The following ZNF644 variants were observed in gnomAD, a reference collection of about 807,000 sequenced individuals.
ZNF644 encodes zinc finger motif enhancer binding protein 2.
Under a neutral mutation model 108.0 loss-of-function variants are expected in ZNF644, and 20 were observed. The ratio of observed to expected loss-of-function variants is 0.19; its 90% CI spans 0.13 to 0.27. ZNF644 has a LOEUF of 0.27. Among genes scored for constraint, ZNF644 ranks in the 10% least tolerant of loss-of-function variants. The probability of loss-of-function intolerance (pLI) is 1.00; values close to 1 mark genes in which losing one functional copy is unlikely to be tolerated. For synonymous variants in ZNF644, 542 were observed against 539.1 expected (o/e 1.01, Z -0.08); for missense variants, 1,338 against 1,548.9 (o/e 0.86, Z 2.29).
In ZNF644 at chr1:90,937,959, G is replaced by A. The variant is rs945606284; in HGVS notation, c.3214C>T (p.His1072Tyr). The A allele has an allele frequency of 6.2e-7, 1 of 1,612,896 alleles. No homozygotes were observed. The highest frequency in any genetic ancestry group is 8.5e-7 in the Non-Finnish European group (1 of 1,179,832). Residue 1072 changes from histidine to tyrosine, a missense_variant, in exon 4 of 6, where the codon CAC becomes TAC. Physicochemically the swap from His to Tyr is moderately conservative, Grantham distance 83 (BLOSUM62 2). Transcript: ENST00000337393. ...TTCAGAACACAGATTGGAGATTTGT[G>A]AGCATCCCATTTCGTCTTTCCAAGT... ...KRLGKTKWDA[H>Y]KSPICVLNEM...
chr1:90,968,809 GATAA>G (rs1169577273), intron 2 of ZNF644, among the ~76,000 whole-genome samples: 3 of 151,914 alleles, frequency 2.0e-5, no homozygotes. Context: ...TAGATATATT[GATAA>G]ATAGATACAT....
rs140018032 is a variant in ZNF644, at chr1:90,929,100, C to T, written c.3688+8385G>A. 8.5e-5 allele frequency among the ~76,000 whole-genome samples: 13 copies of T among 152,256 alleles called. No individual in the cohort carries two copies. In the East Asian group the frequency reaches 2.3e-3, roughly 27 times the overall value. On this transcript the variant is annotated intron_variant, in intron 4 of 5. Transcript: ENST00000337393. ...TAAAAAGTCACAAGAAGCATACCAG[C>T]ATGAACTACTTTTATTTATTTATTT...
intron 2 of ZNF644, among the ~76,000 whole-genome samples, chr1:90,967,471 T>C (rs1655025225): frequency 6.6e-6 from 1 of 152,102 alleles, no homozygotes; most frequent in Non-Finnish European, 1.5e-5. Context: ...ACATAAAACA[T>C]AAAAACCTTC....
intron 2 of ZNF644, among the ~76,000 whole-genome samples, chr1:90,969,332 T>C (rs767770862): frequency 2.2e-4 from 34 of 152,138 alleles, no homozygotes; most frequent in Non-Finnish European, 4.3e-4. Context: ...TGCAAACATC[T>C]TGATCCTGGA....
intron 2 of ZNF644, among the ~76,000 whole-genome samples, chr1:90,979,841 T>A (rs1222934200): frequency 6.6e-6 from 1 of 152,214 alleles, no homozygotes; most frequent in Non-Finnish European, 1.5e-5. Context: ...CACTTGGAAA[T>A]ACTAATCAAA....
intron 2 of ZNF644, among the ~76,000 whole-genome samples, chr1:90,950,788 G>A (rs1361183891): frequency 6.6e-6 from 1 of 152,136 alleles, no homozygotes; most frequent in East Asian, 1.9e-4. Flanking sequence ...GCCCCTGAAA[G>A]TACAGACAGA....
chr1:91,011,146 A>G (rs1659926235), intron 1 of ZNF644, among the ~76,000 whole-genome samples: 1 of 152,204 alleles, frequency 6.6e-6, no homozygotes, highest in Non-Finnish European at 1.5e-5. Context: ...AATTTGCTTT[A>G]GCCTTCTATA....
intron 1 of ZNF644, among the ~76,000 whole-genome samples, chr1:91,002,465 T>C (rs181474243): frequency 0.01 from 1,559 of 152,298 alleles, 11 homozygotes; most frequent in South Asian, 0.017. Flanking sequence ...CTGGGAAAAC[T>C]GGCTAGCCAT....
At chr1:91,010,322 T>C (rs1378193137) in intron 1 of ZNF644, among the ~76,000 whole-genome samples, 2 of 151,132 alleles carry the variant, frequency 1.3e-5, no homozygotes, top group Non-Finnish European at 2.9e-5. Flanking sequence ...CACCACAACT[T>C]CTACCTCCCA....
intron 1 of ZNF644, among the ~76,000 whole-genome samples, chr1:90,997,674 G>A (rs1241549510): frequency 7.9e-5 from 12 of 152,256 alleles, no homozygotes; most frequent in South Asian, 2.1e-4. Context: ...TTGAGGTACC[G>A]GGTTCATCTC....
At chr1:90,998,190 A>G (rs1160187481) in intron 1 of ZNF644, among the ~76,000 whole-genome samples, 1 of 152,208 alleles carries the variant, frequency 6.6e-6, no homozygotes, top group Non-Finnish European at 1.5e-5. Context: ...ACAGCTTTGA[A>G]GCGAGTAGTG....
At chr1:90,997,818 G>A (rs1361599882) in intron 1 of ZNF644, among the ~76,000 whole-genome samples, 2 of 152,186 alleles carry the variant, frequency 1.3e-5, no homozygotes, top group South Asian at 2.1e-4. Context: ...TGTGACAGAC[G>A]GCATCTGGAA....
intron 1 of ZNF644, among the ~76,000 whole-genome samples, chr1:91,000,109 G>A (rs1658610838): frequency 6.6e-6 from 1 of 152,200 alleles, no homozygotes; most frequent in African/African-American, 2.4e-5. Context: ...GCACCCCACT[G>A]TCAACATTAG....
At chr1:90,973,455 A>C (rs939328395) in intron 2 of ZNF644, among the ~76,000 whole-genome samples, 13 of 152,074 alleles carry the variant, frequency 8.5e-5, no homozygotes, top group Non-Finnish European at 1.8e-4. Context: ...CCATTGTTAA[A>C]CTCGTATTTT....
intron 2 of ZNF644, chr1:90,973,311 G>C (rs1321041366): frequency 6.6e-6 from 1 of 151,906 alleles, no homozygotes; most frequent in African/African-American, 2.4e-5. Context: ...TTCCTGTGTA[G>C]TATTTCTTAT....
At chr1:90,921,996 G>A (rs1649496868) in intron 4 of ZNF644, among the ~76,000 whole-genome samples, 1 of 152,088 alleles carries the variant, frequency 6.6e-6, no homozygotes, top group African/African-American at 2.4e-5. Context: ...TTTATACAAA[G>A]AAGATTAAGA....
chr1:91,013,752 C>CT (rs1410695065), intron 1 of ZNF644, among the ~76,000 whole-genome samples: 1 of 152,066 alleles, frequency 6.6e-6, no homozygotes, highest in East Asian at 1.9e-4. Flanking sequence ...AATACCTGAA[C>CT]TCTGGCTAGT....
chr1:90,939,284 G>A lies in ZNF644; in HGVS notation c.2070C>T (p.Ser690=). ...ACATGTTTACACCTGATTGGGCAAT[G>A]CTTTTCCGAGCTTTCTGTATTCTGT... The part of the protein sequence containing the change: ...RPHRIQKARK[S]IAQSGVNMCN... The change falls in exon 3 of 6, where the codon AGC becomes AGT. Residue 690 remains serine (S), a synonymous_variant. Transcript: ENST00000337393. 1 of 1,614,002 alleles carries A rather than the reference G, an allele frequency of 6.2e-7. No homozygotes were observed.
At chr1:90,994,511 T>C (rs1033899843) in intron 1 of ZNF644, among the ~76,000 whole-genome samples, 3 of 152,016 alleles carry the variant, frequency 2.0e-5, no homozygotes, top group African/African-American at 7.2e-5. Context: ...GCCCAAATAA[T>C]TGGATGACTG....
Sources: gnomAD v4.1 joint callset for allele counts (sites outside exome capture counted in the v4.1 genomes callset) on GRCh38, gnomAD v4.1.1 for gene constraint, MANE v1.5 for transcripts, NCBI Gene and HGNC (gene_info 2026-07-23, HGNC 2026-07-21) for gene names.